MARCHF1: variants seen among roughly 807,000 people sequenced by gnomAD.
MARCHF1 encodes the protein membrane associated ring-CH-type finger 1, also known as E3 ubiquitin-protein ligase MARCHF1.
In MARCHF1, 40 loss-of-function variants were observed where a neutral mutation model predicts 54.2. That is an observed-to-expected ratio of 0.74 (90% CI 0.57 to 0.96). The LOEUF is 0.96. Ranked by LOEUF, MARCHF1 falls within the 40% of genes least tolerant of loss-of-function variation. MARCHF1 has a pLI of 0.00. For missense variants in MARCHF1, 586 were observed against 656.5 expected (o/e 0.89, Z 1.17); for synonymous variants, 236 against 236.3 (o/e 1.00, Z 0.01).
chr4:163,643,721 T>G (rs1368113612), intron 5 of MARCHF1, among the ~76,000 whole-genome samples: 1 of 152,198 alleles, frequency 6.6e-6, no homozygotes, highest in Non-Finnish European at 1.5e-5. Flanking sequence ...TTTTGAATAA[T>G]TAGCAATGAC....
intron 1 of MARCHF1, chr4:164,197,118 GTCC>G (rs775502384): frequency 3.2e-5 from 51 of 1,604,318 alleles, no homozygotes; most frequent in African/African-American, 2.7e-4. Flanking sequence ...CTCCACTCAC[GTCC>G]TCCTCTTCAC....
chr4:164,154,935 G>A (rs1730037984), intron 1 of MARCHF1, among the ~76,000 whole-genome samples: 1 of 152,184 alleles, frequency 6.6e-6, no homozygotes, highest in Admixed American at 6.5e-5. Flanking sequence ...TGGGGAGCTG[G>A]ACAGGGAATG....
intron 4 of MARCHF1, among the ~76,000 whole-genome samples, chr4:163,790,125 G>A (rs1311231358): frequency 1.3e-5 from 2 of 152,060 alleles, no homozygotes; most frequent in East Asian, 3.9e-4. Flanking sequence ...TATAACCAAG[G>A]GACGGTTGCA....
chr4:163,933,994 G>T (rs1751737212), intron 3 of MARCHF1, among the ~76,000 whole-genome samples: 1 of 152,184 alleles, frequency 6.6e-6, no homozygotes, highest in African/African-American at 2.4e-5. Context: ...TACAAGCATT[G>T]CTTTTGGGAA....
intron 4 of MARCHF1, among the ~76,000 whole-genome samples, chr4:163,807,517 T>G (rs554956526): frequency 2.2e-4 from 33 of 152,248 alleles, no homozygotes; most frequent in African/African-American, 7.2e-4. Context: ...GCTAAATATG[T>G]TTGTAAAAGT....
At chr4:163,991,104 C>A (rs4311273) in intron 2 of MARCHF1, among the ~76,000 whole-genome samples, 148,750 of 152,276 alleles carry the variant, frequency 0.98, 72,750 homozygotes, top group East Asian at 1. Flanking sequence ...TTTATCCTAA[C>A]ATTTAAAATA....
intron 1 of MARCHF1, among the ~76,000 whole-genome samples, chr4:164,257,512 C>T (rs1025474421): frequency 6.6e-6 from 1 of 151,376 alleles, no homozygotes; most frequent in African/African-American, 2.4e-5. Flanking sequence ...GGCTAAATTA[C>T]ATTCTTATCT....
chr4:164,119,880 G>C (rs1455930913), intron 1 of MARCHF1, among the ~76,000 whole-genome samples: 1 of 151,660 alleles, frequency 6.6e-6, no homozygotes, highest in Non-Finnish European at 1.5e-5. Flanking sequence ...AAAAGAACAA[G>C]AATCAGATTT....
At chr4:163,957,997 C>A (rs115512469) in intron 3 of MARCHF1, among the ~76,000 whole-genome samples, 1 of 151,974 alleles carries the variant, frequency 6.6e-6, no homozygotes, top group African/African-American at 2.4e-5. Flanking sequence ...GAATAAAAAA[C>A]AGAGCCTTAC....
At chr4:164,110,222 A>AG (rs1220876637) in intron 2 of MARCHF1, among the ~76,000 whole-genome samples, 1 of 151,594 alleles carries the variant, frequency 6.6e-6, no homozygotes. Context: ...AGGTTTTTTT[A>AG]GGGGAAAAAC....
intron 2 of MARCHF1, among the ~76,000 whole-genome samples, chr4:164,036,963 T>C (rs1754019193): frequency 6.6e-6 from 1 of 152,174 alleles, no homozygotes; most frequent in Non-Finnish European, 1.5e-5. Flanking sequence ...AAGTTGATTG[T>C]AAGTGATTAT....
intron 3 of MARCHF1, among the ~76,000 whole-genome samples, chr4:163,885,611 G>A (rs1381743939): frequency 6.6e-6 from 1 of 152,046 alleles, no homozygotes; most frequent in Non-Finnish European, 1.5e-5. Flanking sequence ...TTTGGGCCTT[G>A]TGATAACTGA....
intron 4 of MARCHF1, among the ~76,000 whole-genome samples, chr4:163,764,096 G>A (rs771340933): frequency 5.3e-5 from 8 of 151,976 alleles, no homozygotes; most frequent in Non-Finnish European, 8.8e-5. Flanking sequence ...TCTTCTATTC[G>A]TCTGTGCCTA....
At position 163,612,765 on chromosome 4, in the gene MARCHF1, C is replaced by G. The variant is rs1294054443; in HGVS notation, c.516G>C (p.Gln172His). The part of the protein sequence containing the change: ...SSSTDESHWI[Q>H]AKRRAQVKFR... Reference sequence around the variant, plus strand: ...ATTTAACCTGGGCTCTTCTTTTTGCCTGAATCCAATGACTCTCATCTGTGG... The same window carrying G: ...ATTTAACCTGGGCTCTTCTTTTTGCGTGAATCCAATGACTCTCATCTGTGG... The change falls in exon 7 of 10, where the codon CAG becomes CAC. Residue 172 changes from glutamine (Q) to histidine (H), a missense_variant. By Grantham distance (24) the Gln-to-His change is conservative. This residue lies in a region of MARCHF1 where 387 missense variants were observed against 394.6 expected (regional missense o/e 0.98). Coordinates refer to ENST00000514618, the MANE Select transcript of MARCHF1 (RefSeq NM_001394959.1). 6.5e-7 allele frequency: 1 copy of G among 1,535,364 alleles called. No homozygotes were observed. Among genetic ancestry groups the G allele is most frequent in the South Asian group, 1.2e-5 (1 of 84,044 alleles).
chr4:164,188,804 G>A (rs572455261), intron 1 of MARCHF1: 3 of 845,238 alleles, frequency 3.5e-6, no homozygotes, highest in South Asian at 2.6e-5. Flanking sequence ...ATTTGCTCCT[G>A]AAGAAATTTC....
intron 1 of MARCHF1, among the ~76,000 whole-genome samples, chr4:164,152,237 AGAG>A (rs1729961817): frequency 6.6e-6 from 1 of 152,208 alleles, no homozygotes; most frequent in Non-Finnish European, 1.5e-5. Flanking sequence ...AGAGTGATGT[AGAG>A]GAGATTACTT....
At chr4:164,272,337 G>C (rs556355590) in intron 1 of MARCHF1, among the ~76,000 whole-genome samples, 3 of 152,082 alleles carry the variant, frequency 2.0e-5, no homozygotes, top group Middle Eastern at 6.8e-3. Flanking sequence ...AACATTGTTT[G>C]TTATATCAAA....
At chr4:164,141,827 C>T (rs777760450) in intron 1 of MARCHF1, among the ~76,000 whole-genome samples, 1 of 152,120 alleles carries the variant, frequency 6.6e-6, no homozygotes, top group Non-Finnish European at 1.5e-5. Flanking sequence ...GCCAAGATGG[C>T]CGAATAGGAA....
chr4:163,724,464 A>C (rs1013250043), intron 4 of MARCHF1, among the ~76,000 whole-genome samples: 1 of 152,192 alleles, frequency 6.6e-6, no homozygotes, highest in Non-Finnish European at 1.5e-5. Flanking sequence ...TCAGGGACCC[A>C]CTTGAGGAGG....
Sources: allele counts gnomAD v4.1 joint callset (sites outside exome capture counted in the v4.1 genomes callset), GRCh38; gene constraint gnomAD v4.1.1; regional missense constraint gnomAD v4.1.1; transcripts MANE v1.5; gene names NCBI Gene and HGNC (gene_info 2026-07-23, HGNC 2026-07-21).